The following GRID1 variants were observed in gnomAD, a reference collection of about 807,000 sequenced individuals.
GRID1 encodes the protein glutamate ionotropic receptor delta type subunit 1, also known as glutamate receptor ionotropic, delta-1.
A neutral mutation model predicts 98.0 loss-of-function variants in GRID1; 28 were observed. That is an observed-to-expected ratio of 0.29 (90% CI 0.21 to 0.39). GRID1 has a LOEUF of 0.39. Among genes scored for constraint, GRID1 ranks in the 10% least tolerant of loss-of-function variants. The probability of loss-of-function intolerance (pLI) is 1.00; values close to 1 mark genes in which losing one functional copy is unlikely to be tolerated. For missense variants in GRID1, 1,111 were observed against 1,340.5 expected (o/e 0.83, Z 2.67); for synonymous variants, 553 against 538.5 (o/e 1.03, Z -0.37).
At chr10:86,233,997 C>T (rs1186417553) in intron 2 of GRID1, among the ~76,000 whole-genome samples, 1 of 152,028 alleles carries the variant, frequency 6.6e-6, no homozygotes, top group African/African-American at 2.4e-5. Flanking sequence ...TGCCTCCTTG[C>T]TGGGTTGACT....
intron 8 of GRID1, among the ~76,000 whole-genome samples, chr10:85,743,111 C>CCCG (rs1554828626): frequency 3.8e-5 from 5 of 130,282 alleles, no homozygotes; most frequent in East Asian, 2.9e-4. Context: ...TGCAGCCCCC[C>CCCG]CCCCCACCAC....
intron 8 of GRID1, among the ~76,000 whole-genome samples, chr10:85,739,512 G>A (rs1281538883): frequency 6.6e-6 from 1 of 152,116 alleles, no homozygotes; most frequent in Non-Finnish European, 1.5e-5. Context: ...TTGAGCCCAG[G>A]AGTTCCAGTC....
At chr10:85,662,410 T>C (rs936644065) in intron 12 of GRID1, among the ~76,000 whole-genome samples, 7 of 152,118 alleles carry the variant, frequency 4.6e-5, no homozygotes, top group African/African-American at 1.7e-4. Context: ...AACGCCAGGA[T>C]AGGGGGCTTC....
chr10:85,685,147 C>T (rs547419549), intron 12 of GRID1, among the ~76,000 whole-genome samples: 145 of 152,196 alleles, frequency 9.5e-4, no homozygotes, highest in African/African-American at 2.7e-3. Context: ...TCATGATTTT[C>T]GCAAATGATA....
At chr10:86,324,852 A>G (rs1314842748) in intron 2 of GRID1, among the ~76,000 whole-genome samples, 2 of 152,144 alleles carry the variant, frequency 1.3e-5, no homozygotes, top group African/African-American at 4.8e-5. Context: ...GATACAAAAC[A>G]AACACCCAGG....
At chr10:86,312,975 C>T (rs1479032286) in intron 2 of GRID1, among the ~76,000 whole-genome samples, 6 of 152,204 alleles carry the variant, frequency 3.9e-5, no homozygotes, top group South Asian at 4.1e-4. Flanking sequence ...GCTGTGGCAA[C>T]GAAACAACAG....
intron 2 of GRID1, among the ~76,000 whole-genome samples, chr10:86,273,739 C>T (rs1422816884): frequency 1.4e-3 from 210 of 152,166 alleles, no homozygotes; most frequent in African/African-American, 4.7e-3. Context: ...TCATATCCTT[C>T]GCCCACTTTT....
rs534132362 is a variant in GRID1 at position 85,716,427 on chromosome 10, G to A, written c.1997+6576C>T. 6.6e-5 allele frequency among the ~76,000 whole-genome samples: 10 copies of A among 152,102 alleles called. No homozygotes were observed. In the South Asian group the frequency reaches 1.7e-3, roughly 25 times the overall value. On this transcript the variant is annotated intron_variant, in intron 12 of 15. Transcript: ENST00000327946. ...GGACTGTTGTGGGGTGGGCGGAGGC[G>A]GGAGGGATAGCATTGGGAGATATAC...
At chr10:86,273,488 A>G (rs978197001) in intron 2 of GRID1, among the ~76,000 whole-genome samples, 1 of 151,070 alleles carries the variant, frequency 6.6e-6, no homozygotes, top group Admixed American at 6.6e-5. Flanking sequence ...GAATCTCCAC[A>G]CTGACTTCCA....
At chr10:85,740,368 G>A (rs557785075) in intron 8 of GRID1, among the ~76,000 whole-genome samples, 5 of 152,292 alleles carry the variant, frequency 3.3e-5, no homozygotes, top group South Asian at 2.1e-4. Flanking sequence ...CATACTAGCA[G>A]ATTAAGAGAT....
At chr10:85,713,583 TG>T (rs540699754) in intron 12 of GRID1, among the ~76,000 whole-genome samples, 185 of 150,764 alleles carry the variant, frequency 1.2e-3, no homozygotes, top group Non-Finnish European at 2.4e-3. Context: ...TGAGCATAGA[TG>T]TGCAAATCTT....
At chr10:86,084,500 G>C (rs1844022676) in intron 4 of GRID1, among the ~76,000 whole-genome samples, 1 of 152,128 alleles carries the variant, frequency 6.6e-6, no homozygotes, top group Admixed American at 6.5e-5. Context: ...GTTAAAAATA[G>C]AAATACCCTA....
At chr10:86,197,915 T>C (rs11201937) in intron 3 of GRID1, among the ~76,000 whole-genome samples, 43,936 of 151,960 alleles carry the variant, frequency 0.29, 8,002 homozygotes, top group Non-Finnish European at 0.41. Context: ...ACTTCTTCCA[T>C]AGGTTTCCTA....
chr10:86,277,063 G>C (rs1847282519), intron 2 of GRID1, among the ~76,000 whole-genome samples: 1 of 152,192 alleles, frequency 6.6e-6, no homozygotes, highest in African/African-American at 2.4e-5. Flanking sequence ...GCCGGGGGGA[G>C]AGGAAAATGG....
At chr10:85,763,097 G>A (rs1037780512) in intron 8 of GRID1, among the ~76,000 whole-genome samples, 4 of 152,174 alleles carry the variant, frequency 2.6e-5, no homozygotes, top group Non-Finnish European at 4.4e-5. Context: ...TCCAGAAACT[G>A]AGACTTCATT....
chr10:85,865,780 C>T (rs1373201147), intron 6 of GRID1, among the ~76,000 whole-genome samples: 1 of 151,492 alleles, frequency 6.6e-6, no homozygotes, highest in Non-Finnish European at 1.5e-5. Context: ...ATGAATCTAC[C>T]AGCTGCCCAA....
chr10:86,338,682 C>G (rs1030213668), intron 2 of GRID1, among the ~76,000 whole-genome samples: 1 of 152,112 alleles, frequency 6.6e-6, no homozygotes, highest in Non-Finnish European at 1.5e-5. Context: ...CTCAGCCTCC[C>G]GAGTAGCTGA....
At chr10:86,109,287 G>A (rs147829310) in intron 4 of GRID1, among the ~76,000 whole-genome samples, 6 of 152,218 alleles carry the variant, frequency 3.9e-5, no homozygotes, top group Admixed American at 6.5e-5. Flanking sequence ...CAAATCTGAC[G>A]TGCAAAGAAA....
At chr10:86,167,173 TGGG>T (rs1845411462) in intron 3 of GRID1, among the ~76,000 whole-genome samples, 1 of 152,170 alleles carries the variant, frequency 6.6e-6, no homozygotes, top group East Asian at 1.9e-4. Context: ...ACTGATCTAT[TGGG>T]GGACCAAGGA....
Sources: gnomAD v4.1 joint callset for allele counts (sites outside exome capture counted in the v4.1 genomes callset) on GRCh38, gnomAD v4.1.1 for gene constraint, MANE v1.5 for transcripts, NCBI Gene and HGNC (gene_info 2026-07-23, HGNC 2026-07-21) for gene names.